Variants in LARGE1 observed in about 807,000 individuals in gnomAD.
The protein encoded by LARGE1 is LARGE xylosyl- and glucuronyltransferase 1.
Under a neutral mutation model 87.6 loss-of-function variants are expected in LARGE1, and 43 were observed. The ratio of observed to expected loss-of-function variants is 0.49; its 90% CI spans 0.38 to 0.63. The LOEUF is 0.63. Ranked by LOEUF, LARGE1 falls within the 30% of genes least tolerant of loss-of-function variation. The pLI, the probability that LARGE1 is intolerant of heterozygous loss-of-function variation, is 0.00. For synonymous variants in LARGE1, 434 were observed against 394.6 expected, an observed-to-expected ratio of 1.10 and a Z score of -1.18; for missense variants, 802 against 1,000.2, an observed-to-expected ratio of 0.80 and a Z score of 2.67.
At chr22:33,700,807 C>A (rs2082384575) in intron 2 of LARGE1, among the ~76,000 whole-genome samples, 2 of 152,132 alleles carry the variant, frequency 1.3e-5, no homozygotes, top group South Asian at 4.1e-4. Flanking sequence ...TTATTTTGTT[C>A]TGGGAAGAGT....
intron 1 of LARGE1, among the ~76,000 whole-genome samples, chr22:33,784,389 A>T (rs1039147066): frequency 1.3e-5 from 2 of 152,200 alleles, no homozygotes; most frequent in Non-Finnish European, 2.9e-5. Context: ...TAAATGATGG[A>T]ACAAAAATAT....
intron 1 of LARGE1, among the ~76,000 whole-genome samples, chr22:33,908,113 G>C (rs2065510859): frequency 6.6e-6 from 1 of 152,124 alleles, no homozygotes; most frequent in South Asian, 2.1e-4. Context: ...TGACACTCGA[G>C]GTTTCATCAG....
chr22:33,699,908 T>C (rs1323912650), intron 2 of LARGE1, among the ~76,000 whole-genome samples: 2 of 152,214 alleles, frequency 1.3e-5, no homozygotes, highest in South Asian at 2.1e-4. Flanking sequence ...CACTTCTCTA[T>C]TGGTTCATCC....
intron 2 of LARGE1, among the ~76,000 whole-genome samples, chr22:33,699,094 G>A (rs540228036): frequency 1.3e-5 from 2 of 152,316 alleles, no homozygotes; most frequent in East Asian, 3.9e-4. Context: ...ATGTAAATAT[G>A]AACTGAGACT....
At chr22:33,163,835 T>C (rs1464156785) in exon 12 of LARGE1, 6 of 152,202 alleles carry the variant, frequency 3.9e-5, no homozygotes, top group Non-Finnish European at 7.3e-5. Flanking sequence ...GAATAGTAAA[T>C]GAAACTCCCA....
chr22:33,846,736 C>T (rs1465975825), intron 1 of LARGE1, among the ~76,000 whole-genome samples: 1 of 152,128 alleles, frequency 6.6e-6, no homozygotes, highest in African/African-American at 2.4e-5. Flanking sequence ...CTTCTATGGT[C>T]AAGGCTGTAG....
chr22:33,131,555 C>T, the LARGE1 span, among the ~76,000 whole-genome samples: 8 of 151,936 alleles, frequency 5.3e-5, no homozygotes, highest in African/African-American at 1.7e-4. Context: ...CAATCATGGT[C>T]GAAGGCAAAG....
intron 4 of LARGE1, among the ~76,000 whole-genome samples, chr22:33,621,511 A>G (rs1436904825): frequency 6.6e-5 from 10 of 152,238 alleles, no homozygotes. Flanking sequence ...TGGAAAATAA[A>G]TCTAATTACT....
intron 6 of LARGE1, among the ~76,000 whole-genome samples, chr22:33,457,674 A>G (rs910520973): frequency 2.0e-5 from 3 of 152,224 alleles, no homozygotes; most frequent in Non-Finnish European, 4.4e-5. Context: ...GTAAAATCCC[A>G]TGAAAATATT....
At chr22:33,829,571 C>G (rs1453495361) in intron 1 of LARGE1, among the ~76,000 whole-genome samples, 1 of 152,182 alleles carries the variant, frequency 6.6e-6, no homozygotes, top group African/African-American at 2.4e-5. Flanking sequence ...AATGAATCCA[C>G]TATATTACCT....
intron 9 of LARGE1, among the ~76,000 whole-genome samples, chr22:33,375,468 TG>T (rs1406397463): frequency 2.6e-5 from 4 of 150,998 alleles, no homozygotes; most frequent in African/African-American, 9.9e-5. Flanking sequence ...GCATACATGG[TG>T]AAACTCTGTC....
chr22:33,357,361 G>A (rs992063318), intron 9 of LARGE1, among the ~76,000 whole-genome samples: 7 of 151,228 alleles, frequency 4.6e-5, no homozygotes, highest in African/African-American at 1.7e-4. Context: ...GGCTGAGAGG[G>A]TGGGAGAGGG....
intron 11 of LARGE1, among the ~76,000 whole-genome samples, chr22:33,199,670 G>A (rs779629335): frequency 6.6e-6 from 1 of 152,076 alleles, no homozygotes; most frequent in African/African-American, 2.4e-5. Flanking sequence ...TTGATTGTAA[G>A]TATATGGCTT....
At chr22:33,902,624 T>C (rs2065315657) in intron 1 of LARGE1, among the ~76,000 whole-genome samples, 1 of 152,172 alleles carries the variant, frequency 6.6e-6, no homozygotes, top group Non-Finnish European at 1.5e-5. Flanking sequence ...AACTTAACCA[T>C]CCCTGAAACA....
At chr22:33,597,295 A>C (rs371172771) in intron 5 of LARGE1, among the ~76,000 whole-genome samples, 10 of 152,036 alleles carry the variant, frequency 6.6e-5, no homozygotes, top group Non-Finnish European at 7.4e-5. Flanking sequence ...AAAAAAAAAA[A>C]AAACTTGTAA....
At chr22:33,101,284 T>C in the LARGE1 span, among the ~76,000 whole-genome samples, 1 of 152,338 alleles carries the variant, frequency 6.6e-6, no homozygotes, top group South Asian at 2.1e-4. Flanking sequence ...TAAATGCTTA[T>C]ATTAAATTTC....
chr22:33,307,777 T>C (rs1935103093), intron 11 of LARGE1, among the ~76,000 whole-genome samples: 1 of 148,884 alleles, frequency 6.7e-6, no homozygotes. Flanking sequence ...TTTCTTTTCT[T>C]TTTTTTTTTT....
At chr22:33,488,154 C>T (rs567971589) in intron 6 of LARGE1, among the ~76,000 whole-genome samples, 2 of 152,264 alleles carry the variant, frequency 1.3e-5, no homozygotes, top group East Asian at 3.9e-4. Flanking sequence ...GCTTGTTGAA[C>T]ACAGTAGCCA....
intron 11 of LARGE1, among the ~76,000 whole-genome samples, chr22:33,307,927 T>C (rs1935124991): frequency 6.6e-6 from 1 of 152,080 alleles, no homozygotes; most frequent in Non-Finnish European, 1.5e-5. Context: ...TGCCAAGCTC[T>C]GTGGCCAGGC....
Sources: gnomAD v4.1 joint callset for allele counts (sites outside exome capture counted in the v4.1 genomes callset) on GRCh38, gnomAD v4.1.1 for gene constraint, MANE v1.5 for transcripts, NCBI Gene and HGNC (gene_info 2026-07-23, HGNC 2026-07-21) for gene names.